ADAMTS3: variants seen among roughly 807,000 people sequenced by gnomAD.
ADAMTS3 encodes A disintegrin and metalloproteinase with thrombospondin motifs 3.
ADAMTS3 carries 73 observed loss-of-function variants against 129.0 expected under a neutral mutation model. That is an observed-to-expected ratio of 0.57 (90% CI 0.47 to 0.69). ADAMTS3 has a LOEUF of 0.69. Among genes scored for constraint, ADAMTS3 ranks in the 30% least tolerant of loss-of-function variants. ADAMTS3 has a pLI of 0.00. For missense variants in ADAMTS3, 1,457 were observed against 1,514.5 expected, an observed-to-expected ratio of 0.96 and a Z score of 0.63; for synonymous variants, 477 against 510.8, an observed-to-expected ratio of 0.93 and a Z score of 0.89.
chr4:72,305,788 C>T (rs577996382), intron 16 of ADAMTS3, among the ~76,000 whole-genome samples, 199 bp downstream of exon 16: 2 of 151,502 alleles, frequency 1.3e-5, no homozygotes, highest in South Asian at 4.2e-4. Flanking sequence ...TGCACATGTA[C>T]GCACATATAC....
chr4:72,547,935 G>T (rs1022444144), intron 3 of ADAMTS3, among the ~76,000 whole-genome samples: 4 of 152,136 alleles, frequency 2.6e-5, no homozygotes, highest in Non-Finnish European at 5.9e-5. Context: ...TGAAAATGAA[G>T]AATTGAAGCC....
At chr4:72,405,390 T>C (rs925243094) in intron 4 of ADAMTS3, among the ~76,000 whole-genome samples, 1 of 151,992 alleles carries the variant, frequency 6.6e-6, no homozygotes, top group Admixed American at 6.6e-5. Flanking sequence ...TAAGCATTCT[T>C]AACACAATAT....
At position 72,514,164 on chromosome 4, in the gene ADAMTS3, G is replaced by C. The variant is rs1720391249; in HGVS notation, c.504+34314C>G. Among the ~76,000 whole-genome samples the C allele has an allele frequency of 4.6e-5, 7 of 151,928 alleles. No homozygotes were observed. The South Asian group carries it at 1.5e-3, about 32-fold the overall frequency. ...TTCTATAATCACTATGTTGTCACCA[G>C]GCCTTACCCATCTATGGGCACTGAT... On this transcript the variant is annotated intron_variant, in intron 3 of 21. Transcript: ENST00000286657.
rs1037732988 is a variant in ADAMTS3, at chr4:72,516,956, T to C, written c.504+31522A>G. 3.0e-4 allele frequency among the ~76,000 whole-genome samples: 46 copies of C among 152,170 alleles called. 1 individual carries two copies. The highest frequency in any genetic ancestry group is 5.9e-4 in the Non-Finnish European group (40 of 68,044). ...GCTTCCAGTTTTTGCCCATTCAGTA[T>C]GATATTAGCTGTGAGTTTGCATAGA... On this transcript the variant is annotated intron_variant, in intron 3 of 21. Coordinates refer to ENST00000286657, the MANE Select transcript of ADAMTS3 (RefSeq NM_014243.3).
At chr4:72,399,266 C>T (rs1721811664) in intron 4 of ADAMTS3, among the ~76,000 whole-genome samples, 1 of 151,794 alleles carries the variant, frequency 6.6e-6, no homozygotes, top group Non-Finnish European at 1.5e-5. Context: ...CTCATCTCTA[C>T]AAAAAAAGTA....
At chr4:72,304,219 G>T in intron 16 of ADAMTS3, 139 bp from the exon 17 acceptor site, 1 of 810,402 alleles carries the variant, frequency 1.2e-6, no homozygotes, top group Non-Finnish European at 1.9e-6. Flanking sequence ...ATGGGTGTTA[G>T]TTCTGATATT....
intron 3 of ADAMTS3, among the ~76,000 whole-genome samples, chr4:72,429,521 CATT>C (rs1461911149): frequency 9.2e-5 from 14 of 152,090 alleles, no homozygotes; most frequent in Admixed American, 4.6e-4. Context: ...TGATCTTAGA[CATT>C]ATTCAAAAAA....
intron 13 of ADAMTS3, 122 bp from the exon 14 acceptor site, chr4:72,311,303 T>A: frequency 1.1e-6 from 1 of 879,324 alleles, no homozygotes; most frequent in Non-Finnish European, 1.6e-6. Flanking sequence ...AGGAATACCG[T>A]ATAAACAAAT....
Position 72,312,354 on chromosome 4 carries a change from G to T in ADAMTS3, c.1858C>A (p.Arg620=), listed in dbSNP as rs373318556. 5.6e-6 allele frequency: 9 copies of T among 1,613,770 alleles called. No individual in the cohort carries two copies. In the African/African-American group the frequency reaches 1.1e-4, roughly 19 times the overall value. Residue 620 remains arginine (R), a synonymous_variant, in exon 13 of 22, where the codon CGA becomes AGA. Coordinates refer to ENST00000286657, the MANE Select transcript of ADAMTS3 (RefSeq NM_014243.3). ...TTCTGGTATTCAAAGTGGGAGTTTC[G>T]CTGCTGACACTGCTGTGCTCTGAAG... The part of the protein sequence containing the change: ...EDFRAQQCQQ[R]NSHFEYQNTK...
chr4:72,339,840 A>G, intron 4 of ADAMTS3, 147 bp from the exon 5 acceptor site: 1 of 655,892 alleles, frequency 1.5e-6, no homozygotes, highest in South Asian at 1.9e-5. Context: ...CTTAAATAAT[A>G]CGCATATGCA....
At chr4:72,530,700 A>G (rs1269378946) in intron 3 of ADAMTS3, among the ~76,000 whole-genome samples, 3 of 93,282 alleles carry the variant, frequency 3.2e-5, no homozygotes, top group African/African-American at 1.3e-4. Context: ...ATTGTATCAT[A>G]TATTATATAT....
At chr4:72,361,499 T>C (rs1014367057) in intron 4 of ADAMTS3, among the ~76,000 whole-genome samples, 4 of 152,034 alleles carry the variant, frequency 2.6e-5, no homozygotes, top group Admixed American at 2.0e-4. Context: ...ATCTTTACAG[T>C]AGATTTATTT....
In ADAMTS3 at chr4:72,545,085, TTTTG is replaced by T. The variant is rs535132882; in HGVS notation, c.504+3389_504+3392del. 9.1e-4 allele frequency among the ~76,000 whole-genome samples: 138 copies of T among 152,246 alleles called. 1 individual carries two copies. Among genetic ancestry groups the T allele is most frequent in the African/African-American group, 2.9e-3 (122 of 41,550 alleles). On this transcript the variant is annotated intron_variant, in intron 3 of 21. Coordinates refer to ENST00000286657, the MANE Select transcript of ADAMTS3 (RefSeq NM_014243.3). Reference sequence around the variant, plus strand: ...ATTATTTAAATTTGAAAACTCTTTTTTTTGTTTGTTTGTTTGTTTTCTACTTTAT... The same window carrying T: ...ATTATTTAAATTTGAAAACTCTTTTTTTTGTTTGTTTGTTTTCTACTTTAT...
intron 3 of ADAMTS3, among the ~76,000 whole-genome samples, chr4:72,484,203 G>A (rs1719517689): frequency 6.6e-6 from 1 of 152,086 alleles, no homozygotes. Flanking sequence ...TAATAACAAA[G>A]TTTAAAACCT....
rs542015990 is a variant in ADAMTS3 at position 72,536,006 on chromosome 4, C to T, written c.504+12472G>A. Reference sequence around the variant, plus strand: ...ATTCCAGCTAGGGTTTGAACTACATCACACCACTGAAGGAACTGTTTCCTA... The same window carrying T: ...ATTCCAGCTAGGGTTTGAACTACATTACACCACTGAAGGAACTGTTTCCTA... On this transcript the variant is annotated intron_variant, in intron 3 of 21. Coordinates refer to ENST00000286657, the MANE Select transcript of ADAMTS3 (RefSeq NM_014243.3). 3.3e-5 allele frequency among the ~76,000 whole-genome samples: 5 copies of T among 152,276 alleles called. No individual in the cohort carries two copies. The South Asian group carries it at 1.0e-3, about 32-fold the overall frequency.
At chr4:72,308,243 A>G (rs915272108) in intron 15 of ADAMTS3, among the ~76,000 whole-genome samples, 2 of 151,946 alleles carry the variant, frequency 1.3e-5, no homozygotes, top group African/African-American at 2.4e-5. Context: ...TTGCTTTTTA[A>G]CAATTTTCAA....
chr4:72,563,767 A>G (rs1721959804), intron 2 of ADAMTS3, among the ~76,000 whole-genome samples: 1 of 152,190 alleles, frequency 6.6e-6, no homozygotes, highest in Non-Finnish European at 1.5e-5. Context: ...GAAATTCAGA[A>G]CATAGATAAA....
intron 4 of ADAMTS3, among the ~76,000 whole-genome samples, chr4:72,346,762 A>G (rs764570974): frequency 6.6e-6 from 1 of 151,716 alleles, no homozygotes; most frequent in Non-Finnish European, 1.5e-5. Flanking sequence ...AAAATGCTAT[A>G]GTTTTATTTG....
chr4:72,428,933 T>C (rs960039839), intron 3 of ADAMTS3, among the ~76,000 whole-genome samples: 1 of 152,094 alleles, frequency 6.6e-6, no homozygotes, highest in South Asian at 2.1e-4. Flanking sequence ...AAGACTCATA[T>C]ACTTAACTCC....
Sources: gnomAD v4.1 joint callset for allele counts (sites outside exome capture counted in the v4.1 genomes callset) on GRCh38, gnomAD v4.1.1 for gene constraint, MANE v1.5 for transcripts, NCBI Gene and HGNC (gene_info 2026-07-23, HGNC 2026-07-21) for gene names.